The following GDAP1 variants were observed in gnomAD, a reference collection of about 807,000 sequenced individuals.
The protein encoded by GDAP1 is ganglioside induced differentiation associated protein 1.
GDAP1 carries 34 observed loss-of-function variants against 40.1 expected under a neutral mutation model. The observed-to-expected ratio is 0.85, with a 90% CI of 0.64 to 1.13. GDAP1 has a LOEUF of 1.13. Among genes scored for constraint, GDAP1 ranks in the 50% most tolerant of loss-of-function variants. The pLI, the probability that GDAP1 is intolerant of heterozygous loss-of-function variation, is 0.00. For synonymous variants in GDAP1, 170 were observed against 157.4 expected, an observed-to-expected ratio of 1.08 and a Z score of -0.60; for missense variants, 374 against 433.7, an observed-to-expected ratio of 0.86 and a Z score of 1.22.
chr8:74,464,612 A>C (rs1806444677), intron 2 of GDAP1, among the ~76,000 whole-genome samples: 1 of 152,238 alleles, frequency 6.6e-6, no homozygotes, highest in Admixed American at 6.5e-5. Flanking sequence ...TTATAACAGC[A>C]TACTACATTT....
rs1056426556 is a variant in GDAP1 at position 74,365,713 on chromosome 8, C to G, written c.*1346C>G. 8.8e-6 allele frequency: 4 copies of G among 454,290 alleles called. No individual in the cohort carries two copies. In the Admixed American group the frequency reaches 9.4e-5, roughly 11 times the overall value. The allele number at this position is 454,290 out of a possible 1,614,324, so 28.1% of individuals were successfully genotyped here. ...TTGATGGCAAAATGATTTTTTAATT[C>G]TATTTTGATGCTGTAATTCCATTTC... is the stretch of plus-strand genomic sequence containing the variant. On this transcript the variant is annotated 3_prime_UTR_variant, in exon 6 of 6. Coordinates refer to ENST00000220822, the MANE Select transcript of GDAP1 (RefSeq NM_018972.4).
intron 2 of GDAP1, among the ~76,000 whole-genome samples, chr8:74,422,285 TTTTCTTTC>T (rs556852017): frequency 0.027 from 2,339 of 87,610 alleles, 76 homozygotes; most frequent in Non-Finnish European, 0.041. Flanking sequence ...TTCTTTTTTC[TTTTCTTTC>T]TTTCTTTCTT....
chr8:74,376,220 C>T (rs1809848982), intron 2 of GDAP1, among the ~76,000 whole-genome samples: 1 of 152,154 alleles, frequency 6.6e-6, no homozygotes, highest in Admixed American at 6.5e-5. Flanking sequence ...TGCCAATCAC[C>T]ATTACAGCAG....
intron 2 of GDAP1, among the ~76,000 whole-genome samples, chr8:74,406,398 G>A (rs1805641315): frequency 6.7e-6 from 1 of 150,226 alleles, no homozygotes. Flanking sequence ...ACTTTGGACT[G>A]AGCCCTATAA....
In GDAP1 at chr8:74,364,657, C is replaced by T; in HGVS notation, c.*290C>T. 1 of 529,304 alleles carries T rather than the reference C, an allele frequency of 1.9e-6. No individual in the cohort carries two copies. The highest frequency in any genetic ancestry group is 1.5e-5 in the South Asian group (1 of 65,164). 32.8% of individuals were successfully genotyped at this position (529,304 alleles called of 1,614,324 possible). On this transcript the variant is annotated 3_prime_UTR_variant, in exon 6 of 6. Coordinates refer to ENST00000220822, the MANE Select transcript of GDAP1 (RefSeq NM_018972.4). Reference sequence around the variant, plus strand: ...AGCAATAGAAAGTAAGCTTCGGGTGCCTCCAACGTTCATGGCTGCCTGTCT... The same window carrying T: ...AGCAATAGAAAGTAAGCTTCGGGTGTCTCCAACGTTCATGGCTGCCTGTCT...
chr8:74,372,282 C>T (rs550526087), intron 2 of GDAP1, among the ~76,000 whole-genome samples: 1 of 152,128 alleles, frequency 6.6e-6, no homozygotes, highest in African/African-American at 2.4e-5. Context: ...GGGTATATAC[C>T]CGGTAATGGG....
chr8:74,378,178 G>A (rs1410989329), intron 2 of GDAP1, among the ~76,000 whole-genome samples: 3 of 152,128 alleles, frequency 2.0e-5, no homozygotes, highest in Non-Finnish European at 4.4e-5. Context: ...TGTGCTGGTC[G>A]GTGAGAGTGA....
chr8:74,355,818 A>AT (rs140414498), intron 2 of GDAP1, among the ~76,000 whole-genome samples: 3,043 of 152,238 alleles, frequency 0.02, 94 homozygotes, highest in African/African-American at 0.067. Context: ...TTCATGTCTT[A>AT]TGTCTAGATA....
intron 2 of GDAP1, among the ~76,000 whole-genome samples, chr8:74,400,143 C>A (rs370775989): frequency 5.4e-5 from 8 of 149,110 alleles, no homozygotes; most frequent in Non-Finnish European, 7.4e-5. Flanking sequence ...TAATGTTGAC[C>A]GTGGGGTGTT....
intron 2 of GDAP1, among the ~76,000 whole-genome samples, chr8:74,406,126 C>A (rs1418615551): frequency 2.0e-5 from 3 of 150,304 alleles, no homozygotes; most frequent in African/African-American, 7.6e-5. Flanking sequence ...TGACTTGGAT[C>A]ATCTAAGATA....
intron 2 of GDAP1, among the ~76,000 whole-genome samples, chr8:74,400,431 T>C (rs1393470538): frequency 6.7e-6 from 1 of 149,796 alleles, no homozygotes; most frequent in African/African-American, 2.6e-5. Context: ...CCTTTTATTT[T>C]GAGTCTATGT....
intron 2 of GDAP1, among the ~76,000 whole-genome samples, chr8:74,401,277 T>C (rs1233650389): frequency 6.7e-6 from 1 of 149,312 alleles, no homozygotes; most frequent in Non-Finnish European, 1.5e-5. Context: ...TCTCTAAACT[T>C]CCCTTCTCAC....
intron 2 of GDAP1, among the ~76,000 whole-genome samples, chr8:74,387,133 C>T (rs1449653255): frequency 6.6e-6 from 1 of 152,208 alleles, no homozygotes; most frequent in Non-Finnish European, 1.5e-5. Flanking sequence ...CAAACAGAGG[C>T]AATTCTACTT....
chr8:74,443,731 T>G (rs1806192597), intron 2 of GDAP1, among the ~76,000 whole-genome samples: 1 of 152,178 alleles, frequency 6.6e-6, no homozygotes, highest in Admixed American at 6.5e-5. Flanking sequence ...AGACCGTGAG[T>G]GACCACACCT....
At chr8:74,412,331 A>G (rs1188731073) in intron 2 of GDAP1, among the ~76,000 whole-genome samples, 1 of 150,182 alleles carries the variant, frequency 6.7e-6, no homozygotes, top group Non-Finnish European at 1.5e-5. Flanking sequence ...AGTCCAACAT[A>G]TAAAAGTCAA....
At chr8:74,399,804 T>G (rs1018007670) in intron 2 of GDAP1, among the ~76,000 whole-genome samples, 1 of 133,500 alleles carries the variant, frequency 7.5e-6, no homozygotes, top group East Asian at 2.0e-4. Flanking sequence ...CATTTCGTTA[T>G]GTACCCAGTA....
At chr8:74,463,957 A>T (rs1806435897) in intron 2 of GDAP1, among the ~76,000 whole-genome samples, 1 of 152,164 alleles carries the variant, frequency 6.6e-6, no homozygotes, top group African/African-American at 2.4e-5. Flanking sequence ...ATCCATAAAT[A>T]CGTATGTACC....
Position 74,371,980 on chromosome 8 carries a change from T to C in GDAP1, c.165+20659T>C, listed in dbSNP as rs181234181. On this transcript the variant is annotated intron_variant, in intron 2 of 2. Coordinates refer to the GDAP1 transcript ENST00000523640. ...TCCCCTTCCTGTGTCCAAGTGTTCT[T>C]ATTGTTCAATTCCCACCTATGAGTG... 2.4e-3 allele frequency among the ~76,000 whole-genome samples: 359 copies of C among 149,374 alleles called. 6 individuals carry two copies. Among genetic ancestry groups the C allele is most frequent in the Admixed American group, 8.0e-3 (120 of 15,008 alleles).
chr8:74,376,999 A>C (rs1003423624), intron 2 of GDAP1, among the ~76,000 whole-genome samples: 1 of 152,210 alleles, frequency 6.6e-6, no homozygotes, highest in African/African-American at 2.4e-5. Flanking sequence ...GAATAAGTAG[A>C]TATCCACATT....
Sources: allele counts gnomAD v4.1 joint callset (sites outside exome capture counted in the v4.1 genomes callset), GRCh38; gene constraint gnomAD v4.1.1; transcripts MANE v1.5; gene names NCBI Gene and HGNC (gene_info 2026-07-23, HGNC 2026-07-21).